Variants in LPAR1 observed in about 807,000 individuals in gnomAD.
LPAR1 encodes LPA receptor 1.
In LPAR1, 5 loss-of-function variants were observed where a neutral mutation model predicts 23.8. That is an observed-to-expected ratio of 0.21 (90% CI 0.11 to 0.44). The LOEUF is 0.44. LPAR1 is among the 20% of genes least tolerant of loss of function. The pLI is 0.99. For missense variants in LPAR1, 311 were observed against 482.8 expected (o/e 0.64, Z 3.33); for synonymous variants, 160 against 164.7 (o/e 0.97, Z 0.22).
intron 4 of LPAR1, among the ~76,000 whole-genome samples, chr9:110,963,681 A>G (rs2096085395): frequency 6.6e-6 from 1 of 152,230 alleles, no homozygotes; most frequent in Non-Finnish European, 1.5e-5. Context: ...TAAAAAAAAA[A>G]GAACTTCCAG....
intron 5 of LPAR1, among the ~76,000 whole-genome samples, chr9:110,877,299 T>C (rs1379108899): frequency 6.6e-6 from 1 of 152,214 alleles, no homozygotes; most frequent in African/African-American, 2.4e-5. Flanking sequence ...AACACAAATG[T>C]GTATTGGTTT....
rs1032525303 is a variant in LPAR1, at chr9:110,947,978, C to A, written c.46-5810G>T. ...TTCTGTTAAAATACAATAGAGTGAG[C>A]CGGGGCGGGGGCCTGATTTGTAGCT... is the stretch of plus-strand genomic sequence containing the variant. On this transcript the variant is annotated intron_variant, in intron 4 of 5. Transcript: ENST00000683809. 3.9e-5 allele frequency among the ~76,000 whole-genome samples: 6 copies of A among 152,260 alleles called. 1 individual carries two copies. In the East Asian group the frequency reaches 1.2e-3, roughly 29 times the overall value.
At position 110,941,759 on chromosome 9, in the gene LPAR1, C is replaced by T. The variant is rs1468653721; in HGVS notation, c.455G>A (p.Arg152His). ...GCTCATCCGTGTGTGGAGCTGCATG[C>T]GGAAAACCGTAATGTGCCTCTCGAT... The part of the protein sequence containing the change: ...IAIERHITVF[R>H]MQLHTRMSNR... Residue 152 changes from arginine (R) to histidine (H), a missense_variant, in exon 5 of 6, where the codon CGC becomes CAC. Transcript: ENST00000683809. The surrounding 1 kb of genome is among the most constrained non-coding windows in gnomAD (Gnocchi z 6.1). 18 of 1,614,008 alleles carry T rather than the reference C, an allele frequency of 1.1e-5. No individual in the cohort carries two copies. Among genetic ancestry groups the T allele is most frequent in the African/African-American group, 5.3e-5 (4 of 74,910 alleles).
At position 110,943,066 on chromosome 9, in the gene LPAR1, AAT is replaced by A. The variant is rs558429983; in HGVS notation, c.46-900_46-899del. 1.7e-3 allele frequency among the ~76,000 whole-genome samples: 253 copies of A among 148,162 alleles called. No individual in the cohort carries two copies. In the Middle Eastern group the frequency reaches 0.032, roughly 19 times the overall value. On this transcript the variant is annotated intron_variant, in intron 4 of 5. Coordinates refer to ENST00000683809, the MANE Select transcript of LPAR1 (RefSeq NM_001351411.2). ...GGATTGAGACAGTTTAAAACAGAAT[AAT>A]ATATGTTTATTTATCTATCATAATA...
chr9:110,875,400 T>C lies in LPAR1; in HGVS notation c.*21A>G, dbSNP rs181526130. ...TTATCCTCCAAGAGAGGACGGCTGGTTCCTCATCTCAGTTTCCGTTCTAAA... is the reference window on the plus strand; with the variant it reads ...TTATCCTCCAAGAGAGGACGGCTGGCTCCTCATCTCAGTTTCCGTTCTAAA... On this transcript the variant is annotated 3_prime_UTR_variant, in exon 6 of 6. Coordinates refer to ENST00000683809, the MANE Select transcript of LPAR1 (RefSeq NM_001351411.2). The C allele has an allele frequency of 7.5e-6, 12 of 1,592,088 alleles. No homozygotes were observed. The Admixed American group carries it at 1.7e-4, about 23-fold the overall frequency.
intron 5 of LPAR1, among the ~76,000 whole-genome samples, chr9:110,886,554 A>G (rs532424839): frequency 3.2e-4 from 48 of 152,238 alleles, no homozygotes; most frequent in African/African-American, 1.2e-3. Context: ...GCATACACAT[A>G]TAACACATAA....
At chr9:110,982,002 T>C (rs1044387082) in intron 2 of LPAR1, among the ~76,000 whole-genome samples, 2 of 152,006 alleles carry the variant, frequency 1.3e-5, no homozygotes, top group Non-Finnish European at 2.9e-5. Flanking sequence ...GTGGGGAAAA[T>C]AGGAATGCTT....
chr9:110,956,031 G>GA (rs528503847), intron 4 of LPAR1, among the ~76,000 whole-genome samples: 22 of 151,248 alleles, frequency 1.5e-4, no homozygotes, highest in Non-Finnish European at 2.8e-4. Context: ...ATAAATAGAA[G>GA]AAAAAAAATA....
At chr9:110,918,728 A>G (rs1402172300) in intron 5 of LPAR1, among the ~76,000 whole-genome samples, 1 of 152,254 alleles carries the variant, frequency 6.6e-6, no homozygotes, top group African/African-American at 2.4e-5. Context: ...GAAAACTTCA[A>G]AAAGAAAGTA....
chr9:110,968,310 A>C (rs948772078), intron 4 of LPAR1, among the ~76,000 whole-genome samples: 12 of 152,128 alleles, frequency 7.9e-5, no homozygotes, highest in African/African-American at 1.2e-4. Flanking sequence ...AAATTCCTGA[A>C]AATTTAACAA....
chr9:110,959,603 G>A (rs1269582006), intron 4 of LPAR1, among the ~76,000 whole-genome samples: 1 of 152,066 alleles, frequency 6.6e-6, no homozygotes, highest in African/African-American at 2.4e-5. Context: ...GGGTGACAGA[G>A]TGAGAACCTG....
chr9:110,929,383 T>G (rs200840341), intron 5 of LPAR1, among the ~76,000 whole-genome samples: 1 of 152,162 alleles, frequency 6.6e-6, no homozygotes, highest in East Asian at 1.9e-4. Context: ...AAAACAAATT[T>G]CATTAAAATG....
chr9:111,013,726 G>A (rs1029862593), intron 2 of LPAR1, among the ~76,000 whole-genome samples: 2 of 152,082 alleles, frequency 1.3e-5, no homozygotes, highest in African/African-American at 4.8e-5. Flanking sequence ...ACAAAACAAT[G>A]ACATTTTGTT....
At chr9:110,922,842 T>TTAC (rs2093727685) in intron 5 of LPAR1, among the ~76,000 whole-genome samples, 2 of 147,722 alleles carry the variant, frequency 1.4e-5, no homozygotes, top group Admixed American at 6.8e-5. Flanking sequence ...ATTATTATTA[T>TTAC]TATTATTATT....
intron 4 of LPAR1, among the ~76,000 whole-genome samples, chr9:110,965,206 G>A (rs2096170195): frequency 6.6e-6 from 1 of 151,966 alleles, no homozygotes; most frequent in South Asian, 2.1e-4. Flanking sequence ...GAGAATTGGA[G>A]GAACAATCTC....
At chr9:110,947,615 A>G (rs905874897) in intron 4 of LPAR1, among the ~76,000 whole-genome samples, 2 of 152,222 alleles carry the variant, frequency 1.3e-5, no homozygotes, top group African/African-American at 4.8e-5. Flanking sequence ...CCATGCACAC[A>G]TTCTTGAACG....
chr9:110,954,007 T>C (rs1002472608), intron 4 of LPAR1, among the ~76,000 whole-genome samples: 1 of 151,990 alleles, frequency 6.6e-6, no homozygotes, highest in Non-Finnish European at 1.5e-5. Flanking sequence ...AAAATAATAA[T>C]ATTTTAAAAA....
chr9:110,945,656 G>A (rs1025474909), intron 4 of LPAR1, among the ~76,000 whole-genome samples: 3 of 152,156 alleles, frequency 2.0e-5, no homozygotes, highest in South Asian at 2.1e-4. Flanking sequence ...CTAGAGGTCA[G>A]AAGTCCAAAA....
chr9:110,913,396 TA>T (rs890155804), intron 5 of LPAR1, among the ~76,000 whole-genome samples: 1 of 152,172 alleles, frequency 6.6e-6, no homozygotes, highest in African/African-American at 2.4e-5. Context: ...TTCATTATCC[TA>T]AAAGAAATTA....
Sources: gnomAD v4.1 joint callset for allele counts (sites outside exome capture counted in the v4.1 genomes callset) on GRCh38, gnomAD v4.1.1 for gene constraint, Gnocchi (gnomAD v3.1) non-coding constraint, MANE v1.5 for transcripts, NCBI Gene and HGNC (gene_info 2026-07-23, HGNC 2026-07-21) for gene names.